Variants in HOMER1 observed in about 807,000 individuals in gnomAD.
HOMER1 encodes the protein homer protein homolog 1.
In HOMER1, 3 loss-of-function variants were observed where a neutral mutation model predicts 48.9. The ratio of observed to expected loss-of-function variants is 0.06; its 90% confidence interval spans 0.03 to 0.16. The LOEUF is 0.16. Ranked by LOEUF, HOMER1 falls within the 10% of genes least tolerant of loss-of-function variation. HOMER1 has a pLI of 1.00. For missense variants in HOMER1, 247 were observed against 411.4 expected, an observed-to-expected ratio of 0.60 and a Z score of 3.46; for synonymous variants, 134 against 146.4, an observed-to-expected ratio of 0.92 and a Z score of 0.61.
chr5:79,391,055 GAATAAATAAGAT>G (rs1206109570), intron 8 of HOMER1, among the ~76,000 whole-genome samples: 1 of 149,010 alleles, frequency 6.7e-6, no homozygotes, highest in East Asian at 1.9e-4. Context: ...CACAAGGCAG[GAATAAATAAGAT>G]AAAAACAGAA....
At chr5:79,472,007 T>C (rs1323010980) in intron 1 of HOMER1, among the ~76,000 whole-genome samples, 1 of 152,198 alleles carries the variant, frequency 6.6e-6, no homozygotes, top group East Asian at 1.9e-4. Flanking sequence ...CCTTTATTTC[T>C]TTTATTCTCC....
At chr5:79,489,054 G>A (rs1752197526) in intron 1 of HOMER1, among the ~76,000 whole-genome samples, 1 of 152,046 alleles carries the variant, frequency 6.6e-6, no homozygotes, top group Non-Finnish European at 1.5e-5. Context: ...TAAGAGCTGT[G>A]GGGAATACAC....
intron 5 of HOMER1, among the ~76,000 whole-genome samples, chr5:79,433,176 T>A (rs73773703): frequency 0.024 from 3,723 of 152,280 alleles, 152 homozygotes; most frequent in African/African-American, 0.085. Context: ...GGGAAACATG[T>A]CACAGTGTGG....
At chr5:79,427,389 TG>T (rs1477951374) in intron 5 of HOMER1, among the ~76,000 whole-genome samples, 1 of 152,150 alleles carries the variant, frequency 6.6e-6, no homozygotes, top group East Asian at 1.9e-4. Context: ...TGTATTTGTT[TG>T]TTTTTTGGTT....
intron 1 of HOMER1, among the ~76,000 whole-genome samples, chr5:79,458,680 A>G (rs1055389316): frequency 6.6e-6 from 1 of 152,148 alleles, no homozygotes; most frequent in Non-Finnish European, 1.5e-5. Context: ...CTTATTAAAG[A>G]ATCTCTCTTA....
chr5:79,453,591 A>G (rs1007731456), intron 2 of HOMER1, among the ~76,000 whole-genome samples: 2 of 152,208 alleles, frequency 1.3e-5, no homozygotes, highest in African/African-American at 2.4e-5. Flanking sequence ...CTGAAAATAA[A>G]TATGTCTCTC....
intron 5 of HOMER1, among the ~76,000 whole-genome samples, chr5:79,427,715 TC>T (rs1204252184): frequency 3.6e-4 from 45 of 125,794 alleles, no homozygotes; most frequent in African/African-American, 1.5e-3. Flanking sequence ...TTCCTTTCCT[TC>T]CCTTCCTTCC....
At chr5:79,405,659 C>CTTACCAGCA (rs1360467700) in intron 5 of HOMER1, among the ~76,000 whole-genome samples, 1 of 152,320 alleles carries the variant, frequency 6.6e-6, no homozygotes, top group East Asian at 1.9e-4. Flanking sequence ...CATCCTTTCA[C>CTTACCAGCA]TTACCAGCAA....
At chr5:79,467,135 A>G (rs951821232) in intron 1 of HOMER1, among the ~76,000 whole-genome samples, 2 of 152,060 alleles carry the variant, frequency 1.3e-5, no homozygotes, top group Admixed American at 1.3e-4. Flanking sequence ...GCAGAGGATC[A>G]GGCCTGTAAT....
intron 4 of HOMER1, among the ~76,000 whole-genome samples, chr5:79,444,292 C>A (rs1487190578): frequency 6.6e-6 from 1 of 152,278 alleles, no homozygotes; most frequent in South Asian, 2.1e-4. Flanking sequence ...CAGCCTCAAA[C>A]CCCTGGGCTC....
At chr5:79,455,561 C>T (rs1454610986) in intron 2 of HOMER1, among the ~76,000 whole-genome samples, 7 of 152,190 alleles carry the variant, frequency 4.6e-5, no homozygotes, top group Non-Finnish European at 7.3e-5. Context: ...GTCAAGTAAA[C>T]CTCTTTCCTT....
At chr5:79,385,137 C>T (rs1749076399) in intron 8 of HOMER1, among the ~76,000 whole-genome samples, 1 of 151,972 alleles carries the variant, frequency 6.6e-6, no homozygotes, top group African/African-American at 2.4e-5. Flanking sequence ...AAATGTAATA[C>T]CTAAAACTAT....
intron 1 of HOMER1, among the ~76,000 whole-genome samples, chr5:79,472,841 A>G (rs1751661282): frequency 6.6e-6 from 1 of 152,192 alleles, no homozygotes. Flanking sequence ...TTCACCTAGC[A>G]AACAGATTTG....
chr5:79,411,708 G>C (rs1168885988), intron 5 of HOMER1, among the ~76,000 whole-genome samples: 1 of 152,064 alleles, frequency 6.6e-6, no homozygotes, highest in Non-Finnish European at 1.5e-5. Flanking sequence ...ATTCCTCCAG[G>C]GCCTAGGACC....
At chr5:79,502,080 C>T (rs923787877) in intron 1 of HOMER1, among the ~76,000 whole-genome samples, 37 of 135,782 alleles carry the variant, frequency 2.7e-4, no homozygotes, top group African/African-American at 8.2e-4. Context: ...AGTTCAGTGG[C>T]GCGATCTTGG....
At chr5:79,503,007 G>A (rs1269552751) in intron 1 of HOMER1, among the ~76,000 whole-genome samples, 3 of 152,008 alleles carry the variant, frequency 2.0e-5, no homozygotes, top group Non-Finnish European at 2.9e-5. Flanking sequence ...AGCCAGGACG[G>A]TCTTGATCTG....
chr5:79,412,121 A>AAAATT (rs1232340138), intron 5 of HOMER1, among the ~76,000 whole-genome samples: 2 of 152,230 alleles, frequency 1.3e-5, no homozygotes, highest in South Asian at 4.1e-4. Flanking sequence ...TCCATCTCAA[A>AAAATT]AAATTAAATT....
intron 8 of HOMER1, among the ~76,000 whole-genome samples, chr5:79,393,480 C>T (rs1212276521): frequency 1.3e-5 from 2 of 152,148 alleles, no homozygotes; most frequent in Admixed American, 1.3e-4. Context: ...CAGGTAAAGA[C>T]TAAATGCATG....
rs1199637519 is a variant in HOMER1, at chr5:79,379,091, TATATATATATATATATATATATAAA to T, written c.877-2919_877-2895del. 3.5e-5 allele frequency among the ~76,000 whole-genome samples: 2 copies of T among 56,690 alleles called. 1 individual carries two copies. The highest frequency in any genetic ancestry group is 2.0e-3 in the East Asian group (2 of 988). The allele number at this position is 56,690 out of a possible 152,430, so 37.2% of individuals were successfully genotyped here. On this transcript the variant is annotated intron_variant, in intron 8 of 8. Coordinates refer to ENST00000334082, the MANE Select transcript of HOMER1 (RefSeq NM_004272.5). ...TCTACCTTTTGTCCATATATATATA[TATATATATATATATATATATATAAA>T]ATATATAAATATTTATTTATATATA... is the stretch of plus-strand genomic sequence containing the variant.
Sources: allele counts gnomAD v4.1 joint callset (sites outside exome capture counted in the v4.1 genomes callset), GRCh38; gene constraint gnomAD v4.1.1; transcripts MANE v1.5; gene names NCBI Gene and HGNC (gene_info 2026-07-23, HGNC 2026-07-21).